The following SEL1L2 variants were observed in gnomAD, a reference collection of about 807,000 sequenced individuals.
SEL1L2 encodes SEL1L2 adaptor subunit of SYVN1 ubiquitin ligase.
A neutral mutation model predicts 98.8 loss-of-function variants in SEL1L2; 89 were observed. The observed-to-expected ratio is 0.90, with a 90% CI of 0.76 to 1.07. The LOEUF (loss-of-function observed/expected upper bound fraction) is 1.07, where lower values mean the gene tolerates loss of function less well. Ranked by LOEUF, SEL1L2 falls within the 50% of genes least tolerant of loss-of-function variation. The probability of loss-of-function intolerance (pLI) is 0.00; values close to 1 mark genes in which losing one functional copy is unlikely to be tolerated. For missense variants in SEL1L2, 788 were observed against 812.0 expected, an observed-to-expected ratio of 0.97 and a Z score of 0.36; for synonymous variants, 262 against 278.5, an observed-to-expected ratio of 0.94 and a Z score of 0.59.
intron 18 of SEL1L2, among the ~76,000 whole-genome samples, chr20:13,857,468 C>T (rs1221713468): frequency 5.3e-5 from 8 of 152,200 alleles, no homozygotes; most frequent in African/African-American, 9.7e-5. Context: ...TCTGACAGTC[C>T]GCCAGCTGGG....
intron 12 of SEL1L2, 107 bp downstream of exon 12, chr20:13,875,931 G>T (rs1299613433): frequency 9.8e-6 from 8 of 815,920 alleles, no homozygotes; most frequent in East Asian, 2.5e-5. Flanking sequence ...CTCCTTACAG[G>T]CCCATTATCT....
At chr20:13,873,188 C>T (rs1190595798) in intron 12 of SEL1L2, among the ~76,000 whole-genome samples, 1 of 151,536 alleles carries the variant, frequency 6.6e-6, no homozygotes, top group Non-Finnish European at 1.5e-5. Flanking sequence ...CGGGATTTCA[C>T]CATGTTGACC....
intron 5 of SEL1L2, among the ~76,000 whole-genome samples, chr20:13,906,975 G>A (rs1046384703): frequency 1.2e-4 from 18 of 151,992 alleles, no homozygotes; most frequent in Admixed American, 2.6e-4. Context: ...CACCACACCC[G>A]GCCTTATAAT....
chr20:13,927,982 C>T (rs1336214764), intron 3 of SEL1L2: 3 of 152,094 alleles, frequency 2.0e-5, no homozygotes, highest in East Asian at 1.9e-4. Flanking sequence ...TCTTACAAAA[C>T]GTTTATGAGG....
At position 13,868,833 on chromosome 20, in the gene SEL1L2, C is replaced by T. The variant is rs1366870465; in HGVS notation, c.1255+670G>A. Among the ~76,000 whole-genome samples, 12 of 152,086 alleles carry T rather than the reference C, an allele frequency of 7.9e-5. No homozygotes were observed. In the East Asian group the frequency reaches 1.7e-3, roughly 22 times the overall value. ...ATATTGGCCAGGCTGGTCTCGAATT[C>T]GTGATCCGCCCGCCTCGGCCTCCCA... On this transcript the variant is annotated intron_variant, in intron 14 of 19. Transcript: ENST00000284951.
chr20:13,934,543 T>G (rs140684676), intron 2 of SEL1L2, among the ~76,000 whole-genome samples: 347 of 133,754 alleles, frequency 2.6e-3, no homozygotes, highest in East Asian at 6.2e-3. Flanking sequence ...TGGTTCTGTA[T>G]TTTTGCAATT....
intron 18 of SEL1L2, 87 bp downstream of exon 18, chr20:13,859,175 G>T: frequency 8.0e-7 from 1 of 1,253,780 alleles, no homozygotes; most frequent in African/African-American, 1.5e-5. Context: ...CTACATTGAT[G>T]ACATCAATGA....
intron 12 of SEL1L2, 113 bp from the exon 13 acceptor site, chr20:13,870,316 C>G: frequency 1.4e-6 from 1 of 730,620 alleles, no homozygotes; most frequent in Non-Finnish European, 2.4e-6. Flanking sequence ...TTAATCAAGG[C>G]AGTTGGCAGG....
rs1271789017 is a variant in SEL1L2 at position 13,870,198 on chromosome 20, A to G, written c.1110T>C (p.Asn370=). The G allele has an allele frequency of 1.2e-6, 2 of 1,610,906 alleles. No individual in the cohort carries two copies. The highest frequency in any genetic ancestry group is 1.7e-6 in the Non-Finnish European group (2 of 1,177,664). ...KYFSMAASKG[N]AIGLHGLGLL... ...GACCAAGCCCATGAAGGCCGATTGC[A>G]TTGCCCTAGAAGAGTTTTATAAAGC... The change falls in exon 13 of 20, where the codon AAT becomes AAC. Residue 370 remains asparagine, a synonymous_variant. Coordinates refer to ENST00000284951, the MANE Select transcript of SEL1L2 (RefSeq NM_025229.2).
At chr20:13,877,733 T>C in intron 10 of SEL1L2, 145 bp from the exon 11 acceptor site, 1 of 651,296 alleles carries the variant, frequency 1.5e-6, no homozygotes, top group Non-Finnish European at 2.7e-6. Flanking sequence ...GAAATGCCCA[T>C]TTTGTTCAAG....
intron 2 of SEL1L2, among the ~76,000 whole-genome samples, chr20:13,948,000 C>A (rs1257128099): frequency 6.6e-6 from 1 of 152,204 alleles, no homozygotes; most frequent in Non-Finnish European, 1.5e-5. Context: ...GTAGCATGAG[C>A]CAAGTGCAGC....
chr20:13,970,735 G>A (rs1285346404), intron 1 of SEL1L2, among the ~76,000 whole-genome samples: 1 of 152,096 alleles, frequency 6.6e-6, no homozygotes, highest in Non-Finnish European at 1.5e-5. Context: ...GGGAGGCTGA[G>A]ACAAGAGAAC....
chr20:13,977,691 G>A (rs1380748761), intron 1 of SEL1L2, among the ~76,000 whole-genome samples: 2 of 152,112 alleles, frequency 1.3e-5, no homozygotes, highest in Non-Finnish European at 2.9e-5. Context: ...TATGTGTTCT[G>A]CAAGGGGGTC....
chr20:13,950,767 C>T (rs2050223241), intron 2 of SEL1L2, among the ~76,000 whole-genome samples: 1 of 152,174 alleles, frequency 6.6e-6, no homozygotes, highest in South Asian at 2.1e-4. Context: ...TTTCTATCTT[C>T]ATCTCTTACT....
rs763460479 is a variant in SEL1L2 at position 13,990,563 on chromosome 20, A to T, written c.-29T>A. ...CTCTTAAGCAGCTTCTCTTCACTGT[A>T]ACACAGGCAGAAACTAGGTGATTGG... On this transcript the variant is annotated 5_prime_UTR_variant, in exon 1 of 20. Transcript: ENST00000284951. 3 of 1,574,932 alleles carry T rather than the reference A, an allele frequency of 1.9e-6. No individual in the cohort carries two copies. The highest frequency in any genetic ancestry group is 3.4e-5 in the Admixed American group (2 of 58,932).
intron 5 of SEL1L2, among the ~76,000 whole-genome samples, chr20:13,899,600 C>CT (rs1393036246): frequency 8.6e-5 from 13 of 151,908 alleles, no homozygotes; most frequent in Admixed American, 5.9e-4. Flanking sequence ...CCCTCAAGCC[C>CT]TTTTTTTTAT....
intron 1 of SEL1L2, among the ~76,000 whole-genome samples, chr20:13,960,374 G>A (rs780607514): frequency 1.3e-5 from 2 of 152,086 alleles, no homozygotes; most frequent in Non-Finnish European, 2.9e-5. Context: ...ATCGAAAGTA[G>A]GATAAGTGTA....
At chr20:13,939,903 G>C (rs996325154) in intron 2 of SEL1L2, among the ~76,000 whole-genome samples, 1 of 152,100 alleles carries the variant, frequency 6.6e-6, no homozygotes, top group Non-Finnish European at 1.5e-5. Flanking sequence ...CTGGCCTCAG[G>C]TGATCCACCT....
chr20:13,938,811 A>T (rs2049585169), intron 2 of SEL1L2, among the ~76,000 whole-genome samples: 2 of 152,154 alleles, frequency 1.3e-5, no homozygotes, highest in Non-Finnish European at 2.9e-5. Flanking sequence ...CACTGCAAGC[A>T]GTCAATAAAT....
Sources: allele counts gnomAD v4.1 joint callset (sites outside exome capture counted in the v4.1 genomes callset), GRCh38; gene constraint gnomAD v4.1.1; transcripts MANE v1.5; gene names NCBI Gene and HGNC (gene_info 2026-07-23, HGNC 2026-07-21).